The following RPL37A variants were observed in gnomAD, a reference collection of about 807,000 sequenced individuals.
RPL37A encodes ribosomal protein L37a.
In RPL37A, 5 loss-of-function variants were observed where a neutral mutation model predicts 13.6. The observed-to-expected ratio is 0.37, with a 90% CI of 0.19 to 0.78. RPL37A has a LOEUF of 0.78. Ranked by LOEUF, RPL37A falls within the 30% of genes least tolerant of loss-of-function variation. The pLI, the probability that RPL37A is intolerant of heterozygous loss-of-function variation, is 0.49. For synonymous variants in RPL37A, 50 were observed against 44.4 expected (o/e 1.13, Z -0.50); for missense variants, 77 against 120.0 (o/e 0.64, Z 1.67).
At chr2:216,499,027 A>C in intron 1 of RPL37A, 150 bp downstream of exon 1, 6 of 1,298,794 alleles carry the variant, frequency 4.6e-6, no homozygotes, top group Non-Finnish European at 6.5e-6. Flanking sequence ...GAAGCTCCCC[A>C]AGGCGGAGGG....
intron 2 of RPL37A, 92 bp from the exon 3 acceptor site, chr2:216,499,857 T>C (rs1695568990): frequency 9.1e-7 from 1 of 1,093,260 alleles, no homozygotes; most frequent in Non-Finnish European, 1.4e-6. Flanking sequence ...TTCACATCCC[T>C]GACAATAAGG....
chr2:216,500,192 T>C (rs576849340), intron 3 of RPL37A, 161 bp downstream of exon 3: 29 of 628,798 alleles, frequency 4.6e-5, no homozygotes, highest in South Asian at 9.7e-5. Flanking sequence ...TTTTCAGTTA[T>C]TGAAAGAGTA....
rs1023633787 is a variant in RPL37A, at chr2:216,499,332, C to G, written c.66C>G (p.Leu22=). 2.5e-6 allele frequency: 4 copies of G among 1,614,102 alleles called. No individual in the cohort carries two copies. The highest frequency in any genetic ancestry group is 2.7e-5 in the African/African-American group (2 of 75,038). ...ACGGGACCCGCTATGGGGCCTCCCT[C>G]CGGAAAATGGTGAAGAAAATTGAAA... The part of the protein sequence containing the change: ...GKYGTRYGAS[L]RKMVKKIEIS... Residue 22 remains leucine (L), a synonymous_variant, in exon 2 of 4, where the codon CTC becomes CTG. Coordinates refer to ENST00000491306, the MANE Select transcript of RPL37A (RefSeq NM_000998.5).
At chr2:216,500,337 C>A (rs75399185) in intron 3 of RPL37A, 2 of 383,082 alleles carry the variant, frequency 5.2e-6, no homozygotes, top group East Asian at 1.1e-4. Flanking sequence ...ATCTACTGAA[C>A]GTTGATTTGC....
intron 2 of RPL37A, 121 bp from the exon 3 acceptor site, chr2:216,499,828 T>C: frequency 1.2e-6 from 1 of 867,452 alleles, no homozygotes; most frequent in Non-Finnish European, 1.9e-6. Flanking sequence ...GTTTTGTTTT[T>C]GAGGGAGAAA....
chr2:216,499,136 A>G, intron 1 of RPL37A, 134 bp from the exon 2 acceptor site: 2 of 1,286,044 alleles, frequency 1.6e-6, no homozygotes, highest in Non-Finnish European at 2.2e-6. Flanking sequence ...GTTGGGTTGA[A>G]TTTAGGGAAA....
chr2:216,500,202 A>G (rs1695575911), intron 3 of RPL37A, 171 bp downstream of exon 3: 1 of 616,218 alleles, frequency 1.6e-6, no homozygotes, highest in African/African-American at 1.9e-5. Context: ...TTGAAAGAGT[A>G]AACACAAAAC....
intron 2 of RPL37A, 88 bp from the exon 3 acceptor site, chr2:216,499,861 A>T: frequency 8.9e-7 from 1 of 1,128,826 alleles, no homozygotes; most frequent in Non-Finnish European, 1.3e-6. Context: ...CATCCCTGAC[A>T]ATAAGGTGAA....
chr2:216,499,174 G>A, intron 1 of RPL37A, 96 bp from the exon 2 acceptor site: 1 of 1,418,746 alleles, frequency 7.0e-7, no homozygotes, highest in Admixed American at 2.1e-5. Flanking sequence ...TCACATGTCG[G>A]TCACACGTCA....
In RPL37A at chr2:216,501,748, GTC is replaced by G. The variant is rs772236151; in HGVS notation, c.*348_*349del. On this transcript the variant is annotated 3_prime_UTR_variant, in exon 4 of 4. Transcript: ENST00000491306. ...TTTTTTTGTTTGTTTTTGAGGCGGA[GTC>G]TCTGTTACCCAGGCTGGAGTGCAGT... is the stretch of plus-strand genomic sequence containing the variant. 4 of 193,810 alleles carry G rather than the reference GTC, an allele frequency of 2.1e-5. No homozygotes were observed. The highest frequency in any genetic ancestry group is 4.3e-5 in the Non-Finnish European group (4 of 93,924). 12.0% of individuals were successfully genotyped at this position (193,810 alleles called of 1,614,324 possible). A position where few individuals can be genotyped will look rare whatever the true frequency, so the allele number is the denominator to read the frequency against.
Position 216,499,119 on chromosome 2 carries a change from T to C in RPL37A, c.4-151T>C, listed in dbSNP as rs530281780. 1.6e-4 allele frequency: 196 copies of C among 1,224,104 alleles called. 1 individual carries two copies. The African/African-American group carries it at 2.7e-3, about 17-fold the overall frequency. 75.8% of individuals were successfully genotyped at this position (1,224,104 alleles called of 1,614,324 possible). On this transcript the variant is annotated intron_variant, in intron 1 of 3. Transcript: ENST00000491306. ...GGAGCGCGCGGCCAGCCCTGGGCAC[T>C]GGTTTCGTTGGGTTGAATTTAGGGA...
In RPL37A at chr2:216,498,890, C is replaced by A. The variant is rs78831740; in HGVS notation, c.3+13C>A. 5.0e-6 allele frequency: 8 copies of A among 1,614,004 alleles called. No individual in the cohort carries two copies. In the Admixed American group the frequency reaches 1.3e-4, roughly 27 times the overall value. ...TCGCGGCGACATGGTGAGTGTGGGTCTCTGTGCGGCCTAGAACTCTATCTG... is the reference window on the plus strand; with the variant it reads ...TCGCGGCGACATGGTGAGTGTGGGTATCTGTGCGGCCTAGAACTCTATCTG... On this transcript the variant is annotated intron_variant, in intron 1 of 3. Transcript: ENST00000491306.
Position 216,503,817 on chromosome 2 carries a change from TAGGG to T in RPL37A, c.*2417_*2420del, listed in dbSNP as rs1245201912. On this transcript the variant is annotated 3_prime_UTR_variant, in exon 4 of 4. Coordinates refer to ENST00000491306, the MANE Select transcript of RPL37A (RefSeq NM_000998.5). Reference sequence around the variant, plus strand: ...GGAAATAGTGATTTTCCCAAGATGATAGGGAGGCAGGTGATGTAGATAGGGCTGA... The same window carrying T: ...GGAAATAGTGATTTTCCCAAGATGATAGGCAGGTGATGTAGATAGGGCTGA... 3.3e-5 allele frequency: 5 copies of T among 152,338 alleles called. No homozygotes were observed. The East Asian group carries it at 5.8e-4, about 18-fold the overall frequency. The allele number at this position is 152,338 out of a possible 1,614,324, so 9.4% of individuals were successfully genotyped here. A position where few individuals can be genotyped will look rare whatever the true frequency, so the allele number is the denominator to read the frequency against.
At chr2:216,499,572 G>A (rs1036165446) in intron 2 of RPL37A, 174 bp downstream of exon 2, 5 of 824,778 alleles carry the variant, frequency 6.1e-6, no homozygotes, top group Non-Finnish European at 9.3e-6. Context: ...GATTTTGTGA[G>A]ACGTTTTTCA....
intron 2 of RPL37A, 172 bp downstream of exon 2, chr2:216,499,570 G>C (rs1695561054): frequency 1.2e-6 from 1 of 833,630 alleles, no homozygotes; most frequent in South Asian, 1.9e-5. Context: ...CAGATTTTGT[G>C]AGACGTTTTT....
intron 1 of RPL37A, 180 bp downstream of exon 1, chr2:216,499,057 G>A: frequency 8.6e-7 from 1 of 1,161,166 alleles, no homozygotes; most frequent in Non-Finnish European, 1.2e-6. Flanking sequence ...CCTTGGCTGG[G>A]CCTGGCGCGC....
Position 216,501,681 on chromosome 2 carries a change from A to C in RPL37A, c.*277A>C. On this transcript the variant is annotated 3_prime_UTR_variant, in exon 4 of 4. Coordinates refer to ENST00000491306, the MANE Select transcript of RPL37A (RefSeq NM_000998.5). ...TCCTGCCAGTTTGACTTTGAGATAC[A>C]TTGGAGCCAACTGTAAACTTTAGTT... is the stretch of plus-strand genomic sequence containing the variant. The C allele has an allele frequency of 3.5e-6, 1 of 283,938 alleles. No individual in the cohort carries two copies. The highest frequency in any genetic ancestry group is 7.9e-5 in the South Asian group (1 of 12,690). 17.6% of individuals were successfully genotyped at this position (283,938 alleles called of 1,614,324 possible).
Position 216,502,029 on chromosome 2 carries a change from T to TTTTA in RPL37A, c.*627_*630dup, listed in dbSNP as rs1176215881. The TTTTA allele has an allele frequency of 6.6e-6, 1 of 152,134 alleles. No individual in the cohort carries two copies. The highest frequency in any genetic ancestry group is 1.5e-5 in the Non-Finnish European group (1 of 68,050). 9.4% of individuals were successfully genotyped at this position (152,134 alleles called of 1,614,324 possible). ...CCACGCCCAGCCTTGCATTTAATATTTTTATAATGTGTCTAGGCTGGGTGC... is the reference window on the plus strand; with the variant it reads ...CCACGCCCAGCCTTGCATTTAATATTTTTATTTATAATGTGTCTAGGCTGGGTGC... On this transcript the variant is annotated 3_prime_UTR_variant, in exon 4 of 4. Transcript: ENST00000491306.
At position 216,498,891 on chromosome 2, in the gene RPL37A, T is replaced by C; in HGVS notation, c.3+14T>C. 1.2e-6 allele frequency: 2 copies of C among 1,614,066 alleles called. No homozygotes were observed. The highest frequency in any genetic ancestry group is 1.1e-5 in the South Asian group (1 of 91,086). On this transcript the variant is annotated intron_variant, in intron 1 of 3. Coordinates refer to ENST00000491306, the MANE Select transcript of RPL37A (RefSeq NM_000998.5). ...CGCGGCGACATGGTGAGTGTGGGTC[T>C]CTGTGCGGCCTAGAACTCTATCTGC...
Sources: gnomAD v4.1 joint callset for allele counts on GRCh38, gnomAD v4.1.1 for gene constraint, MANE v1.5 for transcripts, NCBI Gene and HGNC (gene_info 2026-07-23, HGNC 2026-07-21) for gene names.